RBFOX1: variants seen among roughly 807,000 people sequenced by gnomAD.
The protein encoded by RBFOX1 is RNA binding fox-1 homolog 1, also known as RNA binding protein fox-1 homolog 1.
A neutral mutation model predicts 57.7 loss-of-function variants in RBFOX1; 8 were observed. The ratio of observed to expected loss-of-function variants is 0.14; its 90% CI spans 0.08 to 0.25. The LOEUF is 0.25. Among genes scored for constraint, RBFOX1 ranks in the 10% least tolerant of loss-of-function variants. RBFOX1 has a pLI of 1.00. For synonymous variants in RBFOX1, 326 were observed against 222.4 expected (o/e 1.47, Z -4.15); for missense variants, 611 against 548.5 (o/e 1.11, Z -1.14).
intron 4 of RBFOX1, among the ~76,000 whole-genome samples, chr16:5,968,025 A>G (rs958233046): frequency 3.3e-5 from 5 of 152,080 alleles, no homozygotes; most frequent in Admixed American, 2.0e-4. Context: ...AACCATCCTG[A>G]TGTTTACATC....
intron 1 of RBFOX1, among the ~76,000 whole-genome samples, chr16:6,271,871 G>C (rs1013535213): frequency 1.1e-4 from 16 of 152,052 alleles, no homozygotes; most frequent in African/African-American, 3.1e-4. Flanking sequence ...ACCAGATTTA[G>C]AATGAAGCAT....
intron 1 of RBFOX1, among the ~76,000 whole-genome samples, chr16:6,122,927 A>C (rs1380261114): frequency 6.6e-6 from 1 of 150,998 alleles, no homozygotes; most frequent in Non-Finnish European, 1.5e-5. Flanking sequence ...AAATACCACC[A>C]GTAGAAAAAT....
At position 6,068,187 on chromosome 16, in the gene RBFOX1, C is replaced by G. The variant is rs552246464; in HGVS notation, c.-127+48195C>G. Among the ~76,000 whole-genome samples, 200 of 152,252 alleles carry G rather than the reference C, an allele frequency of 1.3e-3. 1 individual carries two copies. Among genetic ancestry groups the G allele is most frequent in the African/African-American group, 3.9e-3 (163 of 41,530 alleles). On this transcript the variant is annotated intron_variant, in intron 1 of 15. Coordinates refer to ENST00000550418, the MANE Select transcript of RBFOX1 (RefSeq NM_018723.4). ...CTTATACGTCTGCTCCCCTTTGGGT[C>G]TGAGATCATACATACCTGGCTTGTG...
chr16:6,562,916 T>G (rs1464765541), intron 2 of RBFOX1, among the ~76,000 whole-genome samples: 7 of 144,756 alleles, frequency 4.8e-5, no homozygotes, highest in Non-Finnish European at 1.0e-4. Flanking sequence ...TGTTACTGTT[T>G]CCTTGGGCAG....
chr16:6,164,713 G>A (rs1015352072), intron 1 of RBFOX1, among the ~76,000 whole-genome samples: 1 of 151,792 alleles, frequency 6.6e-6, no homozygotes, highest in African/African-American at 2.4e-5. Context: ...TCTGACCTCT[G>A]GTGATCCACC....
At chr16:5,254,935 G>A (rs72775753) in intron 1 of RBFOX1, among the ~76,000 whole-genome samples, 45,897 of 152,094 alleles carry the variant, frequency 0.3, 7,446 homozygotes, top group South Asian at 0.42. Flanking sequence ...TGTCCCCACT[G>A]TTGGGGAAGT....
At chr16:5,945,921 C>G (rs764289051) in intron 4 of RBFOX1, among the ~76,000 whole-genome samples, 1 of 152,172 alleles carries the variant, frequency 6.6e-6, no homozygotes, top group South Asian at 2.1e-4. Flanking sequence ...ATGCCATGGG[C>G]GAGAGAGGGA....
chr16:6,961,135 T>TCACACACACTCACACACACACACA (rs34830899), intron 3 of RBFOX1, among the ~76,000 whole-genome samples: 3 of 25,918 alleles, frequency 1.2e-4, no homozygotes, highest in African/African-American at 3.6e-4. Flanking sequence ...AGAGACTCCA[T>TCACACACACTCACACACACACACA]CACACACACC....
intron 2 of RBFOX1, among the ~76,000 whole-genome samples, chr16:6,616,366 C>T (rs185385607): frequency 7.0e-4 from 107 of 151,798 alleles, no homozygotes; most frequent in Admixed American, 2.3e-3. Flanking sequence ...GACTCAAATA[C>T]AGTAAAAATG....
At chr16:7,590,379 G>A (rs1305451717) in intron 7 of RBFOX1, among the ~76,000 whole-genome samples, 5 of 152,042 alleles carry the variant, frequency 3.3e-5, no homozygotes, top group Non-Finnish European at 7.4e-5. Flanking sequence ...TGGGTGAATA[G>A]CAAGAATGCA....
At chr16:7,651,161 A>G (rs1019600838) in intron 11 of RBFOX1, among the ~76,000 whole-genome samples, 2 of 152,220 alleles carry the variant, frequency 1.3e-5, no homozygotes, top group Non-Finnish European at 2.9e-5. Context: ...TTTTACCCGC[A>G]TTGTGATAGA....
At chr16:7,426,202 G>A (rs565673761) in intron 4 of RBFOX1, among the ~76,000 whole-genome samples, 12 of 151,788 alleles carry the variant, frequency 7.9e-5, no homozygotes, top group Non-Finnish European at 1.8e-4. Flanking sequence ...AGCTCTTAAA[G>A]AAGTGATTAC....
intron 5 of RBFOX1, among the ~76,000 whole-genome samples, chr16:7,545,324 G>T (rs1295948417): frequency 6.6e-6 from 1 of 151,110 alleles, no homozygotes; most frequent in African/African-American, 2.4e-5. Flanking sequence ...TCATGGGGGT[G>T]GAGGTGGCGG....
At chr16:7,636,257 G>T (rs186436162) in intron 11 of RBFOX1, among the ~76,000 whole-genome samples, 1 of 152,304 alleles carries the variant, frequency 6.6e-6, no homozygotes. Context: ...GCACTGCCAT[G>T]TTTTGCTCTA....
At chr16:6,136,930 A>G (rs1224007214) in intron 1 of RBFOX1, among the ~76,000 whole-genome samples, 1 of 152,202 alleles carries the variant, frequency 6.6e-6, no homozygotes, top group African/African-American at 2.4e-5. Flanking sequence ...AAAACAATTT[A>G]CCAAGCAGTG....
At chr16:7,317,462 A>G (rs983075692) in intron 4 of RBFOX1, among the ~76,000 whole-genome samples, 4 of 152,202 alleles carry the variant, frequency 2.6e-5, no homozygotes, top group Non-Finnish European at 5.9e-5. Context: ...ATCCAGTGCT[A>G]TTATCACCAC....
intron 4 of RBFOX1, among the ~76,000 whole-genome samples, chr16:7,115,383 A>G (rs781587288): frequency 3.2e-4 from 48 of 152,218 alleles, no homozygotes; most frequent in Non-Finnish European, 6.5e-4. Flanking sequence ...TTATATTCTA[A>G]TGGAAAACAG....
intron 4 of RBFOX1, among the ~76,000 whole-genome samples, chr16:5,953,722 A>T (rs985290989): frequency 7.1e-6 from 1 of 141,016 alleles, no homozygotes; most frequent in Non-Finnish European, 1.5e-5. Context: ...ATATATATAT[A>T]TATAAAAAAC....
At chr16:7,376,913 G>C (rs1332374655) in intron 4 of RBFOX1, among the ~76,000 whole-genome samples, 2 of 152,088 alleles carry the variant, frequency 1.3e-5, no homozygotes, top group Non-Finnish European at 2.9e-5. Flanking sequence ...CCAGTGCATA[G>C]ACCCATGTTG....
Sources: allele counts gnomAD v4.1 joint callset (sites outside exome capture counted in the v4.1 genomes callset), GRCh38; gene constraint gnomAD v4.1.1; transcripts MANE v1.5; gene names NCBI Gene and HGNC (gene_info 2026-07-23, HGNC 2026-07-21).